The following CACNA1C variants were observed in gnomAD, a reference collection of about 807,000 sequenced individuals.
CACNA1C encodes the protein calcium voltage-gated channel subunit alpha1 C, also known as voltage-dependent L-type calcium channel subunit alpha-1C.
Under a neutral mutation model 229.0 loss-of-function variants are expected in CACNA1C, and 30 were observed. The observed-to-expected ratio is 0.13, with a 90% CI of 0.10 to 0.18. CACNA1C has a LOEUF of 0.18. CACNA1C is among the 10% of genes least tolerant of loss of function. The pLI, the probability that CACNA1C is intolerant of heterozygous loss-of-function variation, is 1.00. For missense variants in CACNA1C, 1,658 were observed against 2,845.0 expected, an observed-to-expected ratio of 0.58 and a Z score of 9.49; for synonymous variants, 1,114 against 1,132.5, an observed-to-expected ratio of 0.98 and a Z score of 0.33.
chr12:2,187,114 C>T (rs2097056198), intron 3 of CACNA1C, among the ~76,000 whole-genome samples: 1 of 152,130 alleles, frequency 6.6e-6, no homozygotes, highest in Non-Finnish European at 1.5e-5. Flanking sequence ...ATTTGTGTAC[C>T]TTTTCATGTT....
intron 1 of CACNA1C, chr12:1,993,177 G>T: frequency 6.3e-7 from 1 of 1,578,466 alleles, no homozygotes; most frequent in Non-Finnish European, 8.7e-7. Flanking sequence ...GATACCAAAT[G>T]CAAACACAAT....
chr12:2,661,138 T>A (rs958416200), intron 34 of CACNA1C, among the ~76,000 whole-genome samples: 9 of 152,212 alleles, frequency 5.9e-5, no homozygotes, highest in African/African-American at 1.9e-4. Context: ...GCCATGTGCC[T>A]GTAGTCCCAG....
Position 2,608,932 on chromosome 12 carries a change from CA to C in CACNA1C, c.3558+223del, listed in dbSNP as rs1443981069. On this transcript the variant is annotated intron_variant, in intron 27 of 46. Coordinates refer to ENST00000399655, the MANE Select transcript of CACNA1C (RefSeq NM_000719.7). The surrounding 1 kb of genome is among the most constrained non-coding windows in gnomAD (Gnocchi z 4.2). Reference sequence around the variant, plus strand: ...AGATCTGGCAAATGTACTCAGCCAACAAATATCTATGAAGCTTCTACTTAAG... The same window carrying C: ...AGATCTGGCAAATGTACTCAGCCAACAATATCTATGAAGCTTCTACTTAAG... 6.6e-6 allele frequency among the ~76,000 whole-genome samples: 1 copy of C among 152,190 alleles called. No individual in the cohort carries two copies. Among genetic ancestry groups the C allele is most frequent in the Non-Finnish European group, 1.5e-5 (1 of 68,036 alleles).
intron 18 of CACNA1C, among the ~76,000 whole-genome samples, chr12:2,592,979 C>G (rs1468162577): frequency 6.6e-6 from 1 of 152,078 alleles, no homozygotes; most frequent in Non-Finnish European, 1.5e-5. Flanking sequence ...GTTTTAAAAC[C>G]AGAACAAGTT....
chr12:2,529,160 C>A (rs575973575), intron 9 of CACNA1C, among the ~76,000 whole-genome samples: 1 of 152,280 alleles, frequency 6.6e-6, no homozygotes, highest in East Asian at 1.9e-4. Flanking sequence ...GGTTTGGTGA[C>A]CTCATTAGGT....
intron 3 of CACNA1C, among the ~76,000 whole-genome samples, chr12:2,443,822 C>T (rs1014972154): frequency 1.3e-5 from 2 of 152,158 alleles, no homozygotes; most frequent in African/African-American, 2.4e-5. Context: ...GACAGCACAA[C>T]GTATGTTTTG....
At chr12:2,672,057 A>C (rs1464444129) in intron 38 of CACNA1C, 7 of 152,252 alleles carry the variant, frequency 4.6e-5, no homozygotes, top group Admixed American at 3.9e-4. Flanking sequence ...ATTTGTGAAG[A>C]TGAGGCTTGC....
At chr12:2,396,000 C>T (rs1433586280) in intron 3 of CACNA1C, among the ~76,000 whole-genome samples, 3 of 152,122 alleles carry the variant, frequency 2.0e-5, no homozygotes, top group African/African-American at 7.2e-5. Flanking sequence ...TCCAGTCTAC[C>T]TCACTGGAGC....
intron 1 of CACNA1C, chr12:1,991,159 G>A: frequency 2.2e-6 from 1 of 456,236 alleles, no homozygotes; most frequent in Non-Finnish European, 4.4e-6. Context: ...GAGCAGTACA[G>A]GTGGTGTGGA....
intron 3 of CACNA1C, chr12:2,217,417 G>C (rs895436895): frequency 6.6e-6 from 1 of 152,148 alleles, no homozygotes; most frequent in African/African-American, 2.4e-5. Context: ...TAAAATTTAT[G>C]TTACATGTAT....
At chr12:2,250,054 T>C (rs925704061) in intron 3 of CACNA1C, among the ~76,000 whole-genome samples, 5 of 152,056 alleles carry the variant, frequency 3.3e-5, no homozygotes, top group African/African-American at 1.2e-4. Context: ...GTGATCCACC[T>C]GCCTCGGCCT....
At chr12:2,412,292 C>T (rs938196775) in intron 3 of CACNA1C, among the ~76,000 whole-genome samples, 8 of 152,204 alleles carry the variant, frequency 5.3e-5, no homozygotes, top group African/African-American at 9.7e-5. Flanking sequence ...CTATGTGCCT[C>T]GATAACCTCA....
At chr12:2,130,024 C>G (rs2091744345) in intron 3 of CACNA1C, among the ~76,000 whole-genome samples, 1 of 151,870 alleles carries the variant, frequency 6.6e-6, no homozygotes, top group Admixed American at 6.6e-5. Context: ...GCCATTTTTC[C>G]CCTTTATTCT....
chr12:2,155,957 G>T (rs2095532455), intron 3 of CACNA1C, among the ~76,000 whole-genome samples: 1 of 151,912 alleles, frequency 6.6e-6, no homozygotes, highest in South Asian at 2.1e-4. Context: ...TTTTATTATT[G>T]TTATAAAGCA....
intron 1 of CACNA1C, among the ~76,000 whole-genome samples, chr12:2,016,199 T>C (rs1255580185): frequency 1.3e-5 from 2 of 152,238 alleles, no homozygotes; most frequent in Non-Finnish European, 2.9e-5. Context: ...TGTTTGTTCT[T>C]TGATTTGACA....
intron 3 of CACNA1C, among the ~76,000 whole-genome samples, chr12:2,196,159 G>T (rs911712844): frequency 2.0e-5 from 3 of 152,206 alleles, no homozygotes; most frequent in African/African-American, 7.2e-5. Context: ...TGTACTTAAA[G>T]TGGATGGGGC....
chr12:2,256,089 A>ACGATCCTGACCTTGCTAGTTTACAAC (rs1600946534), intron 3 of CACNA1C, among the ~76,000 whole-genome samples: 1 of 152,238 alleles, frequency 6.6e-6, no homozygotes, highest in Non-Finnish European at 1.5e-5. Context: ...TTACAATCAC[A>ACGATCCTGACCTTGCTAGTTTACAAC]CCTCCTGTTT....
chr12:2,419,901 G>A (rs1236642277), intron 3 of CACNA1C, among the ~76,000 whole-genome samples: 3 of 152,096 alleles, frequency 2.0e-5, no homozygotes, highest in Non-Finnish European at 2.9e-5. Context: ...CATGGGTGCC[G>A]GGGCCCAGCC....
chr12:2,549,991 C>G lies in CACNA1C; in HGVS notation c.1439C>G (p.Ala480Gly), dbSNP rs2099894497. 6.2e-7 allele frequency: 1 copy of G among 1,608,634 alleles called. No individual in the cohort carries two copies. Residue 480 changes from alanine to glycine, a missense_variant, in exon 10 of 47, where the codon GCT (alanine) becomes GGT (glycine). Ala to Gly is a moderately conservative substitution (Grantham distance 60, BLOSUM62 0). Coordinates refer to ENST00000399655, the MANE Select transcript of CACNA1C (RefSeq NM_000719.7). Reference sequence around the variant, plus strand: ...GAGTCCGTCAACACCGAAAACGTGGCTGGAGGTGACATCGAGGGAGAAAAC... The same window carrying G: ...GAGTCCGTCAACACCGAAAACGTGGGTGGAGGTGACATCGAGGGAGAAAAC... The part of the protein sequence containing the change: ...ETESVNTENV[A>G]GGDIEGENCG...
Sources: gnomAD v4.1 joint callset for allele counts (sites outside exome capture counted in the v4.1 genomes callset) on GRCh38, gnomAD v4.1.1 for gene constraint, Gnocchi (gnomAD v3.1) non-coding constraint, MANE v1.5 for transcripts, NCBI Gene and HGNC (gene_info 2026-07-23, HGNC 2026-07-21) for gene names.